Variants in MTUS1 observed in about 807,000 individuals in gnomAD.
MTUS1 encodes the protein microtubule-associated tumor suppressor 1.
MTUS1 carries 109 observed loss-of-function variants against 120.8 expected under a neutral mutation model. That is an observed-to-expected ratio of 0.90 (90% CI 0.77 to 1.06). The LOEUF (loss-of-function observed/expected upper bound fraction) is 1.06, where lower values mean the gene tolerates loss of function less well. Ranked by LOEUF, MTUS1 falls within the 50% of genes least tolerant of loss-of-function variation. The pLI, the probability that MTUS1 is intolerant of heterozygous loss-of-function variation, is 0.00. For missense variants in MTUS1, 2,210 were observed against 1,486.3 expected (o/e 1.49, Z -8.01); for synonymous variants, 737 against 550.5 (o/e 1.34, Z -4.74).
Position 17,660,727 on chromosome 8 carries a change from C to T in MTUS1, c.2906-4662G>A, listed in dbSNP as rs1450956342. On this transcript the variant is annotated intron_variant, in intron 8 of 14. Coordinates refer to ENST00000693296, the MANE Select transcript of MTUS1 (RefSeq NM_001363059.2). ...TGATTTTTTCAAATATATGTAACAG[C>T]CATCCTAATGAGTACATCACTGTGG... Among the ~76,000 whole-genome samples the T allele has an allele frequency of 4.6e-5, 7 of 152,226 alleles. No individual in the cohort carries two copies. In the East Asian group the frequency reaches 5.8e-4, roughly 13 times the overall value.
chr8:17,705,138 C>T lies in MTUS1; in HGVS notation c.2623+8076G>A, dbSNP rs562180534. ...CTGGGACTACAAGTGTGCACAACCA[C>T]GTGCAGCTAATTTTTTTGTATTTTT... On this transcript the variant is annotated intron_variant, in intron 6 of 14. Coordinates refer to ENST00000693296, the MANE Select transcript of MTUS1 (RefSeq NM_001363059.2). 4.6e-5 allele frequency among the ~76,000 whole-genome samples: 7 copies of T among 152,176 alleles called. No homozygotes were observed. In the South Asian group the frequency reaches 8.3e-4, roughly 18 times the overall value.
At chr8:17,680,000 A>G (rs1814012443) in intron 7 of MTUS1, among the ~76,000 whole-genome samples, 1 of 152,210 alleles carries the variant, frequency 6.6e-6, no homozygotes, top group African/African-American at 2.4e-5. Context: ...GTTTCATAAG[A>G]AAGAACTAGA....
At chr8:17,783,230 G>A (rs1371386926) in intron 1 of MTUS1, among the ~76,000 whole-genome samples, 1 of 152,208 alleles carries the variant, frequency 6.6e-6, no homozygotes, top group Non-Finnish European at 1.5e-5. Context: ...CTGACAATAA[G>A]CACCTGCCCA....
At chr8:17,794,137 G>C (rs896061264) in intron 1 of MTUS1, among the ~76,000 whole-genome samples, 57 of 152,172 alleles carry the variant, frequency 3.7e-4, no homozygotes, top group African/African-American at 1.3e-3. Flanking sequence ...AGACCAGCCT[G>C]ATCAACATGG....
chr8:17,649,896 T>G lies in MTUS1; in HGVS notation c.3451A>C (p.Asn1151His), dbSNP rs1449673849. The stretch of plus-strand genomic sequence containing the variant: ...ATGTCCTGTTGATGCAGTTTCTCAT[T>G]CTTGATCTCTAACACAGCTTTCAGG... ...ESLKAVLEIKNEKLHQQDIKL... is the reference protein window; with the variant it reads ...ESLKAVLEIKHEKLHQQDIKL... The change falls in exon 13 of 15, where the codon AAT becomes CAT. Residue 1151 changes from asparagine to histidine, a missense_variant. Transcript: ENST00000693296. The G allele has an allele frequency of 1.2e-6, 2 of 1,612,122 alleles. No homozygotes were observed. The highest frequency in any genetic ancestry group is 2.2e-5 in the South Asian group (2 of 91,038).
chr8:17,722,174 T>G (rs986333748), intron 4 of MTUS1: 2 of 1,092,426 alleles, frequency 1.8e-6, no homozygotes, highest in African/African-American at 1.6e-5. Context: ...CAAAAAGGAA[T>G]GGACAAAAGC....
intron 6 of MTUS1, among the ~76,000 whole-genome samples, chr8:17,687,731 G>A (rs561462384): frequency 3.9e-5 from 6 of 152,156 alleles, no homozygotes; most frequent in Admixed American, 1.3e-4. Flanking sequence ...TCAGGAAAAC[G>A]AAGGCCAGAA....
chr8:17,753,266 G>T (rs1401617294), intron 2 of MTUS1, among the ~76,000 whole-genome samples: 1 of 152,072 alleles, frequency 6.6e-6, no homozygotes, highest in Non-Finnish European at 1.5e-5. Flanking sequence ...ACTTCCCAGA[G>T]CTGCCTCCTC....
intron 3 of MTUS1, chr8:17,724,203 C>A: frequency 2.3e-6 from 1 of 427,004 alleles, no homozygotes; most frequent in Non-Finnish European, 4.5e-6. Context: ...ACCCCCCATA[C>A]TGGTGACTAA....
chr8:17,661,790 G>C (rs1213362417), intron 8 of MTUS1, among the ~76,000 whole-genome samples: 1 of 152,164 alleles, frequency 6.6e-6, no homozygotes, highest in African/African-American at 2.4e-5. Context: ...CAAAGCAGCA[G>C]GCCCAGCCCC....
In MTUS1 at chr8:17,743,731, C is replaced by T. The variant is rs1198669672; in HGVS notation, c.2160G>A (p.Arg720=). 6.2e-7 allele frequency: 1 copy of T among 1,614,138 alleles called. No homozygotes were observed. The highest frequency in any genetic ancestry group is 1.7e-4 in the Middle Eastern group (1 of 6,056). Residue 720 remains arginine, a synonymous_variant, in exon 3 of 15, where the codon AGG becomes AGA. Coordinates refer to ENST00000693296, the MANE Select transcript of MTUS1 (RefSeq NM_001363059.2). ...CTTTGGCTTTTGGAGCAGCTATTTG[C>T]CTCAAACCGCAGGAGTCAGGCTTGG... ...NISKPDSCGL[R]QIAAPKAKVG...
chr8:17,645,172 C>T lies in MTUS1; in HGVS notation c.*754G>A, dbSNP rs916553889. On this transcript the variant is annotated 3_prime_UTR_variant, in exon 15 of 15. Transcript: ENST00000693296. ...CTCACATGGGTAAGTAAAAAATCTA[C>T]AGAAAAATCTAGTTTCAACTGACAT... The T allele has an allele frequency of 1.1e-4, 17 of 152,488 alleles. No individual in the cohort carries two copies. The highest frequency in any genetic ancestry group is 3.4e-4 in the African/African-American group (14 of 41,390). The allele number at this position is 152,488 out of a possible 1,614,324, so 9.4% of individuals were successfully genotyped here.
At position 17,645,713 on chromosome 8, in the gene MTUS1, C is replaced by T. The variant is rs906811972; in HGVS notation, c.*213G>A. ...TCGATGCCGAAATCTTTTTTTAAATCTTTTTTTGGAGGAATCTTTTGGACG... is the reference window on the plus strand; with the variant it reads ...TCGATGCCGAAATCTTTTTTTAAATTTTTTTTTGGAGGAATCTTTTGGACG... On this transcript the variant is annotated 3_prime_UTR_variant, in exon 15 of 15. Transcript: ENST00000693296. 3.6e-6 allele frequency: 2 copies of T among 548,770 alleles called. No homozygotes were observed. The highest frequency in any genetic ancestry group is 5.9e-6 in the Non-Finnish European group (2 of 338,632). 34.0% of individuals were successfully genotyped at this position (548,770 alleles called of 1,614,324 possible).
intron 2 of MTUS1, 24 bp downstream of exon 2, chr8:17,753,693 A>G (rs747392465): frequency 6.7e-7 from 1 of 1,488,170 alleles, no homozygotes; most frequent in Non-Finnish European, 9.1e-7. Context: ...TGAAGCATGC[A>G]AAAAATATAT....
At chr8:17,766,558 G>A (rs569241622) in intron 1 of MTUS1, among the ~76,000 whole-genome samples, 1 of 152,186 alleles carries the variant, frequency 6.6e-6, no homozygotes, top group Non-Finnish European at 1.5e-5. Flanking sequence ...TTAAGTATTT[G>A]TGAGGCAATC....
chr8:17,691,284 A>G (rs1816888144), intron 6 of MTUS1: 1 of 152,254 alleles, frequency 6.6e-6, no homozygotes, highest in Non-Finnish European at 1.5e-5. Context: ...TCTCACTTTT[A>G]AAAACTTATC....
chr8:17,734,681 A>T (rs760976244), intron 3 of MTUS1, among the ~76,000 whole-genome samples: 2 of 152,194 alleles, frequency 1.3e-5, no homozygotes, highest in African/African-American at 2.4e-5. Flanking sequence ...CCAAAGACTT[A>T]AAGGTGTTGC....
chr8:17,701,844 C>T (rs2937898), intron 6 of MTUS1, among the ~76,000 whole-genome samples: 21 of 152,280 alleles, frequency 1.4e-4, no homozygotes, highest in South Asian at 2.1e-4. Context: ...CCACCGCACC[C>T]GGCCAGAATT....
chr8:17,665,531 TTG>T (rs1491042054), intron 8 of MTUS1, among the ~76,000 whole-genome samples: 1 of 151,938 alleles, frequency 6.6e-6, no homozygotes, highest in African/African-American at 2.4e-5. Context: ...TTTGTTGTTG[TTG>T]TGTTTTGAGT....
Sources: gnomAD v4.1 joint callset for allele counts (sites outside exome capture counted in the v4.1 genomes callset) on GRCh38, gnomAD v4.1.1 for gene constraint, MANE v1.5 for transcripts, NCBI Gene and HGNC (gene_info 2026-07-23, HGNC 2026-07-21) for gene names.